IL1RAPL1: variants seen among roughly 807,000 people sequenced by gnomAD.
IL1RAPL1 encodes the protein interleukin-1 receptor accessory protein-like 1.
A neutral mutation model predicts 48.4 loss-of-function variants in IL1RAPL1; 3 were observed. The observed-to-expected ratio is 0.06, with a 90% CI of 0.03 to 0.16. The LOEUF (loss-of-function observed/expected upper bound fraction) is 0.16. IL1RAPL1 is among the 10% of genes least tolerant of loss of function. IL1RAPL1 has a pLI of 1.00. For missense variants in IL1RAPL1, 349 were observed against 530.6 expected, an observed-to-expected ratio of 0.66 and a Z score of 3.36; for synonymous variants, 185 against 187.7, an observed-to-expected ratio of 0.99 and a Z score of 0.12.
At chrX:29,508,209 A>C (rs779154609) in intron 5 of IL1RAPL1, among the ~76,000 whole-genome samples, 29 of 111,488 alleles carry the variant, frequency 2.6e-4, no homozygotes, top group African/African-American at 9.4e-4. Flanking sequence ...AAACACATGA[A>C]ATAAGTGGAT....
intron 2 of IL1RAPL1, among the ~76,000 whole-genome samples, chrX:29,003,259 G>A (rs1013536909): frequency 9.0e-5 from 10 of 111,254 alleles, no homozygotes; most frequent in African/African-American, 3.3e-4. Context: ...GTAGGTAGGG[G>A]TCGTATCATC....
At chrX:29,408,558 G>A (rs1389469823) in intron 5 of IL1RAPL1, among the ~76,000 whole-genome samples, 1 of 111,494 alleles carries the variant, frequency 9.0e-6, no homozygotes, top group Non-Finnish European at 1.9e-5. Context: ...GTGAGGAAGT[G>A]AAGAAAGGAA....
chrX:29,827,608 G>A (rs1373886228), intron 6 of IL1RAPL1, among the ~76,000 whole-genome samples: 1 of 111,871 alleles, frequency 8.9e-6, no homozygotes, highest in Non-Finnish European at 1.9e-5. Context: ...TGGAGGCAGT[G>A]AGAAAGCAAG....
chrX:28,744,611 G>A (rs762409537), intron 1 of IL1RAPL1, among the ~76,000 whole-genome samples: 1 of 111,846 alleles, frequency 8.9e-6, no homozygotes, highest in African/African-American at 3.2e-5. Context: ...TGATTATTAT[G>A]AATTCATTTA....
intron 2 of IL1RAPL1, among the ~76,000 whole-genome samples, chrX:29,259,120 C>T (rs980794231): frequency 4.5e-5 from 5 of 111,738 alleles, no homozygotes; most frequent in African/African-American, 1.6e-4. Context: ...GGCAGCTCTT[C>T]AAGGGGTTTA....
chrX:29,730,814 G>T (rs773721369), intron 6 of IL1RAPL1, among the ~76,000 whole-genome samples: 65 of 111,474 alleles, frequency 5.8e-4, no homozygotes, highest in Admixed American at 1.6e-3. Context: ...TTGGTACCCA[G>T]GTAGGTAAAT....
chrX:29,428,709 C>A (rs929584670), intron 5 of IL1RAPL1, among the ~76,000 whole-genome samples: 4 of 111,524 alleles, frequency 3.6e-5, no homozygotes, highest in Non-Finnish European at 7.5e-5. Context: ...AAGATGAAGG[C>A]ATTTTTCTGC....
chrX:28,863,309 A>T (rs1311613418), intron 2 of IL1RAPL1, among the ~76,000 whole-genome samples: 2 of 110,735 alleles, frequency 1.8e-5, no homozygotes, highest in Admixed American at 9.6e-5. Context: ...CCTTTGTAGC[A>T]TGAAAGCAGT....
intron 3 of IL1RAPL1, among the ~76,000 whole-genome samples, chrX:29,328,143 A>C (rs1446343880): frequency 1.8e-5 from 2 of 111,866 alleles, no homozygotes; most frequent in African/African-American, 6.5e-5. Flanking sequence ...CTTTTCCATA[A>C]TTTTTTGGTA....
At chrX:28,624,683 T>C (rs1290366058) in intron 1 of IL1RAPL1, among the ~76,000 whole-genome samples, 3 of 111,885 alleles carry the variant, frequency 2.7e-5, no homozygotes, top group African/African-American at 9.7e-5. Flanking sequence ...ATCTCTCTCT[T>C]ATCTGAACTC....
At chrX:29,668,324 C>T in intron 5 of IL1RAPL1, 106 bp from the exon 6 acceptor site, 1 of 713,929 alleles carries the variant, frequency 1.4e-6, no homozygotes, top group South Asian at 2.3e-5. Flanking sequence ...CACTTTAACA[C>T]TACTTTGAAA....
intron 2 of IL1RAPL1, among the ~76,000 whole-genome samples, chrX:29,228,576 A>G (rs769425484): frequency 9.1e-6 from 1 of 109,969 alleles, no homozygotes; most frequent in Non-Finnish European, 1.9e-5. Context: ...GCTGGTCTCA[A>G]ACTCCTGACC....
At chrX:29,021,008 G>A (rs919705384) in intron 2 of IL1RAPL1, among the ~76,000 whole-genome samples, 4 of 109,851 alleles carry the variant, frequency 3.6e-5, no homozygotes, top group Non-Finnish European at 3.8e-5. Flanking sequence ...GGCGGATCAC[G>A]AGGTCAGGAG....
chrX:28,793,079 C>T (rs939127686), intron 2 of IL1RAPL1, among the ~76,000 whole-genome samples: 1 of 106,483 alleles, frequency 9.4e-6, no homozygotes, highest in Non-Finnish European at 1.9e-5. Context: ...TAGATTTTAT[C>T]CTGGGACAAT....
chrX:29,872,593 G>A (rs1931821723), intron 6 of IL1RAPL1, among the ~76,000 whole-genome samples: 1 of 111,900 alleles, frequency 8.9e-6, no homozygotes, highest in South Asian at 3.8e-4. Flanking sequence ...ACAAGTGCTG[G>A]GCTATCTGCT....
At chrX:29,651,405 G>A (rs1224128907) in intron 5 of IL1RAPL1, among the ~76,000 whole-genome samples, 1 of 109,878 alleles carries the variant, frequency 9.1e-6, no homozygotes, top group African/African-American at 3.3e-5. Flanking sequence ...TAAATAAAAT[G>A]TATATAGATA....
chrX:28,745,130 G>C (rs757198703), intron 1 of IL1RAPL1, among the ~76,000 whole-genome samples: 4 of 111,584 alleles, frequency 3.6e-5, no homozygotes, highest in African/African-American at 1.3e-4. Flanking sequence ...ATGGAAAGGG[G>C]GGTAAGTTGT....
chrX:29,910,234 A>AGAGGGTGAGAG (rs1301436560), intron 6 of IL1RAPL1, among the ~76,000 whole-genome samples: 1 of 110,843 alleles, frequency 9.0e-6, no homozygotes, highest in Non-Finnish European at 1.9e-5. Context: ...GGTGGAGGGT[A>AGAGGGTGAGAG]GAGGGTGAGA....
At chrX:29,908,058 G>C (rs1473220119) in intron 6 of IL1RAPL1, among the ~76,000 whole-genome samples, 2 of 110,684 alleles carry the variant, frequency 1.8e-5, no homozygotes, top group African/African-American at 6.6e-5. Flanking sequence ...TAAACTGTAA[G>C]TACATTAAAT....
Sources: allele counts gnomAD v4.1 joint callset (sites outside exome capture counted in the v4.1 genomes callset), GRCh38; gene constraint gnomAD v4.1.1; transcripts MANE v1.5; gene names NCBI Gene and HGNC (gene_info 2026-07-23, HGNC 2026-07-21).